Variants in ETV1 observed in about 807,000 individuals in gnomAD.
ETV1 encodes the protein ETS variant transcription factor 1, also known as ETS translocation variant 1.
A neutral mutation model predicts 62.3 loss-of-function variants in ETV1; 27 were observed. The observed-to-expected ratio is 0.43, with a 90% CI of 0.32 to 0.60. The LOEUF is 0.60. Among genes scored for constraint, ETV1 ranks in the 20% least tolerant of loss-of-function variants. The pLI is 0.06. For synonymous variants in ETV1, 222 were observed against 199.6 expected, an observed-to-expected ratio of 1.11 and a Z score of -0.94; for missense variants, 605 against 605.8, an observed-to-expected ratio of 1.00 and a Z score of 0.01.
chr7:13,934,781 G>A (rs945256795), intron 8 of ETV1, among the ~76,000 whole-genome samples: 2 of 151,984 alleles, frequency 1.3e-5, no homozygotes, highest in Admixed American at 6.6e-5. Flanking sequence ...TTTGCAACTC[G>A]GCATTCAGGG....
At chr7:13,924,795 T>C (rs1474491852) in intron 9 of ETV1, among the ~76,000 whole-genome samples, 1 of 152,214 alleles carries the variant, frequency 6.6e-6, no homozygotes, top group Non-Finnish European at 1.5e-5. Flanking sequence ...CAGATATTTA[T>C]CTGTAAAATT....
rs536202247 is a variant in ETV1, at chr7:13,972,962, A to C, written c.235+4465T>G. Among the ~76,000 whole-genome samples, 3 of 152,266 alleles carry C rather than the reference A, an allele frequency of 2.0e-5. No individual in the cohort carries two copies. In the South Asian group the frequency reaches 6.2e-4, roughly 32 times the overall value. On this transcript the variant is annotated intron_variant, in intron 6 of 13. Transcript: ENST00000430479. Reference sequence around the variant, plus strand: ...ACTTGCTTCAAAGTTAGCATCCTTCAAAGGTTAGCAATCTATAATATACCA... The same window carrying C: ...ACTTGCTTCAAAGTTAGCATCCTTCCAAGGTTAGCAATCTATAATATACCA...
Position 13,906,556 on chromosome 7 carries a change from T to G in ETV1, c.984A>C (p.Thr328=). 6.2e-6 allele frequency: 10 copies of G among 1,612,606 alleles called. No individual in the cohort carries two copies. Among genetic ancestry groups the G allele is most frequent in the Non-Finnish European group, 8.5e-6 (10 of 1,179,272 alleles). Residue 328 remains threonine, a synonymous_variant, in exon 12 of 14, where the codon ACA becomes ACC. Coordinates refer to ENST00000430479, the MANE Select transcript of ETV1 (RefSeq NM_004956.5). ...GCTGAAGTGATCCTCGCCGTTGGTA[T>G]GTGGGTCCTTCCCGATACATTCCTG... ...QEPGMYREGP[T]YQRRGSLQLW...
intron 10 of ETV1, among the ~76,000 whole-genome samples, 194 bp downstream of exon 10, chr7:13,911,045 G>A (rs1327226810): frequency 6.6e-6 from 1 of 152,168 alleles, no homozygotes. Flanking sequence ...CTACGCATAT[G>A]ACTCATGTTA....
At chr7:13,987,910 AT>A (rs1254201038) in intron 4 of ETV1, among the ~76,000 whole-genome samples, 175 bp downstream of exon 4, 1 of 152,216 alleles carries the variant, frequency 6.6e-6, no homozygotes, top group African/African-American at 2.4e-5. Flanking sequence ...GGACCATAAA[AT>A]AGTCTCCCAT....
In ETV1 at chr7:13,938,283, C is replaced by T. The variant is rs184990478; in HGVS notation, c.365+834G>A. ...TCTTACATATCTTGGACATAAACAG[C>T]GTATGCAATAAATATCTGAGGAATT... is the stretch of plus-strand genomic sequence containing the variant. On this transcript the variant is annotated intron_variant, in intron 7 of 13. Transcript: ENST00000430479. 3.9e-5 allele frequency among the ~76,000 whole-genome samples: 6 copies of T among 152,172 alleles called. No individual in the cohort carries two copies. The South Asian group carries it at 6.2e-4, about 16-fold the overall frequency.
At chr7:13,980,127 T>C (rs760109386) in intron 5 of ETV1, among the ~76,000 whole-genome samples, 16 of 152,158 alleles carry the variant, frequency 1.1e-4, no homozygotes, top group Non-Finnish European at 2.2e-4. Flanking sequence ...TACAGAATTT[T>C]AACAAAAAAC....
At chr7:13,988,035 G>A in intron 4 of ETV1, 51 bp downstream of exon 4, 1 of 979,110 alleles carries the variant, frequency 1.0e-6, no homozygotes, top group Admixed American at 1.7e-5. Flanking sequence ...TTTTAGCAGG[G>A]TGGAGAGTGT....
At chr7:13,918,639 C>T (rs1784467026) in intron 9 of ETV1, among the ~76,000 whole-genome samples, 1 of 151,766 alleles carries the variant, frequency 6.6e-6, no homozygotes, top group Non-Finnish European at 1.5e-5. Flanking sequence ...AAACCAAACA[C>T]CGCATATTCT....
At chr7:13,966,959 A>G (rs1230387853) in intron 6 of ETV1, among the ~76,000 whole-genome samples, 1 of 152,184 alleles carries the variant, frequency 6.6e-6, no homozygotes, top group Non-Finnish European at 1.5e-5. Context: ...ATAAACATCT[A>G]GAGTCTTATA....
At chr7:13,910,912 A>C (rs1052058884) in intron 10 of ETV1, among the ~76,000 whole-genome samples, 8 of 152,186 alleles carry the variant, frequency 5.3e-5, no homozygotes, top group African/African-American at 1.9e-4. Flanking sequence ...AGCAAAACCA[A>C]ATATTCCTCA....
At position 13,930,321 on chromosome 7, in the gene ETV1, GA is replaced by G. The variant is rs576305775; in HGVS notation, c.802+1180del. Among the ~76,000 whole-genome samples the G allele has an allele frequency of 1.1e-3, 169 of 151,750 alleles. 2 individuals are homozygous for G. In the East Asian group the frequency reaches 0.029, roughly 26 times the overall value. On this transcript the variant is annotated intron_variant, in intron 9 of 13. Coordinates refer to ENST00000430479, the MANE Select transcript of ETV1 (RefSeq NM_004956.5). ...TTGGCAAAGTTGGTGGTACTATTTG[GA>G]AAAAAAATTTTTTTTTTGAGACGGA...
chr7:13,984,388 G>T (rs890293864), intron 5 of ETV1, among the ~76,000 whole-genome samples: 1 of 151,836 alleles, frequency 6.6e-6, no homozygotes. Context: ...GGTAATTTGG[G>T]GATCTCTTCT....
intron 6 of ETV1, among the ~76,000 whole-genome samples, chr7:13,964,038 A>G (rs1367047844): frequency 6.6e-6 from 1 of 152,020 alleles, no homozygotes; most frequent in East Asian, 1.9e-4. Context: ...GAAACACAGC[A>G]ATGACATCCA....
At chr7:13,969,825 G>T (rs374772722) in intron 6 of ETV1, among the ~76,000 whole-genome samples, 1 of 152,176 alleles carries the variant, frequency 6.6e-6, no homozygotes. Flanking sequence ...AGAAGTTGCA[G>T]TACAAGCATA....
chr7:13,959,147 A>G (rs1789851108), intron 6 of ETV1: 1 of 152,026 alleles, frequency 6.6e-6, no homozygotes, highest in Non-Finnish European at 1.5e-5. Flanking sequence ...TAGTAATAAT[A>G]TTAATAATTA....
chr7:13,898,840 G>A (rs942078818), intron 13 of ETV1, among the ~76,000 whole-genome samples: 5 of 152,108 alleles, frequency 3.3e-5, no homozygotes, highest in African/African-American at 1.2e-4. Context: ...GTACATATCC[G>A]AGAATGTGAT....
chr7:13,975,377 T>A (rs958946909), intron 6 of ETV1, among the ~76,000 whole-genome samples: 1 of 151,680 alleles, frequency 6.6e-6, no homozygotes, highest in African/African-American at 2.4e-5. Context: ...AAACCCCAAC[T>A]CTACTAAAAA....
intron 7 of ETV1, among the ~76,000 whole-genome samples, chr7:13,936,547 T>C (rs1786821439): frequency 6.6e-6 from 1 of 152,234 alleles, no homozygotes; most frequent in South Asian, 2.1e-4. Flanking sequence ...AATAAAATCC[T>C]ATTATAGTCT....
Sources: gnomAD v4.1 joint callset for allele counts (sites outside exome capture counted in the v4.1 genomes callset) on GRCh38, gnomAD v4.1.1 for gene constraint, MANE v1.5 for transcripts, NCBI Gene and HGNC (gene_info 2026-07-23, HGNC 2026-07-21) for gene names.